RBPJ: variants seen among roughly 807,000 people sequenced by gnomAD.
The protein encoded by RBPJ is recombination signal binding protein for immunoglobulin kappa J region.
A neutral mutation model predicts 67.8 loss-of-function variants in RBPJ; 9 were observed. The observed-to-expected ratio is 0.13, with a 90% CI of 0.08 to 0.23. The LOEUF (loss-of-function observed/expected upper bound fraction) is 0.23, where lower values mean the gene tolerates loss of function less well. RBPJ is among the 10% of genes least tolerant of loss of function. The pLI is 1.00. For missense variants in RBPJ, 305 were observed against 595.6 expected, an observed-to-expected ratio of 0.51 and a Z score of 5.08; for synonymous variants, 198 against 203.3, an observed-to-expected ratio of 0.97 and a Z score of 0.22.
chr4:26,286,535 T>G (rs1344948775), intron 1 of RBPJ, among the ~76,000 whole-genome samples: 2 of 151,522 alleles, frequency 1.3e-5, no homozygotes, highest in African/African-American at 2.4e-5. Flanking sequence ...GCTCTTGGCT[T>G]AAAGCTTTGA....
chr4:26,252,509 C>T (rs1720148297), intron 1 of RBPJ, among the ~76,000 whole-genome samples: 1 of 152,070 alleles, frequency 6.6e-6, no homozygotes, highest in Non-Finnish European at 1.5e-5. Flanking sequence ...TCGCCTGAGC[C>T]TCAGAGGTCA....
intron 5 of RBPJ, 91 bp downstream of exon 5, chr4:26,420,816 C>A: frequency 6.0e-6 from 6 of 1,001,698 alleles, no homozygotes; most frequent in Non-Finnish European, 7.2e-6. Flanking sequence ...TTTCAATAGC[C>A]AATTAATTCT....
At chr4:26,114,176 G>T in the RBPJ span, among the ~76,000 whole-genome samples, 1 of 151,986 alleles carries the variant, frequency 6.6e-6, no homozygotes, top group East Asian at 1.9e-4. Flanking sequence ...ACATGTATGT[G>T]GGCCTGGCGT....
intron 1 of RBPJ, among the ~76,000 whole-genome samples, chr4:26,294,755 G>A (rs541384402): frequency 6.6e-6 from 1 of 152,062 alleles, no homozygotes; most frequent in East Asian, 1.9e-4. Context: ...GGTGGTGTGT[G>A]CCTGTAATCC....
intron 1 of RBPJ, among the ~76,000 whole-genome samples, chr4:26,333,554 TA>T (rs199874760): frequency 2.0e-5 from 3 of 152,254 alleles, no homozygotes; most frequent in East Asian, 1.9e-4. Context: ...TTTTTTAAAT[TA>T]AAAAAAATTT....
At chr4:26,127,808 T>C in the RBPJ span, among the ~76,000 whole-genome samples, 1 of 152,216 alleles carries the variant, frequency 6.6e-6, no homozygotes, top group African/African-American at 2.4e-5. Flanking sequence ...AGATAAATCA[T>C]TGTGGCCCTA....
At chr4:26,209,331 A>ATTAT (rs1718282600) in intron 1 of RBPJ, among the ~76,000 whole-genome samples, 2 of 152,068 alleles carry the variant, frequency 1.3e-5, no homozygotes, top group Non-Finnish European at 2.9e-5. Flanking sequence ...TTAGTGAAGG[A>ATTAT]TTATACCCAG....
At chr4:26,354,650 G>A (rs1244866065) in intron 1 of RBPJ, among the ~76,000 whole-genome samples, 3 of 151,720 alleles carry the variant, frequency 2.0e-5, no homozygotes, top group Non-Finnish European at 4.4e-5. Context: ...GGGTTTCTCC[G>A]TGTTGGCCAG....
the RBPJ span, among the ~76,000 whole-genome samples, chr4:26,130,408 C>T: frequency 6.6e-6 from 1 of 152,066 alleles, no homozygotes; most frequent in African/African-American, 2.4e-5. Context: ...ACTTGAACTC[C>T]AAATTTGTCT....
intron 1 of RBPJ, among the ~76,000 whole-genome samples, chr4:26,265,149 G>T (rs1002541661): frequency 1.3e-5 from 2 of 152,164 alleles, no homozygotes; most frequent in African/African-American, 4.8e-5. Flanking sequence ...GTTACTAGAA[G>T]GTGAGGGGTG....
At chr4:26,377,307 C>T (rs1433415431) in intron 1 of RBPJ, among the ~76,000 whole-genome samples, 2 of 152,164 alleles carry the variant, frequency 1.3e-5, no homozygotes, top group Admixed American at 1.3e-4. Flanking sequence ...GCAATAAAGC[C>T]AGGATTTCAA....
chr4:26,411,226 C>T (rs1046106944), intron 3 of RBPJ, among the ~76,000 whole-genome samples: 9 of 151,990 alleles, frequency 5.9e-5, no homozygotes, highest in Non-Finnish European at 1.3e-4. Flanking sequence ...GCCTGGGCAA[C>T]ATAGTGAAAG....
the RBPJ span, among the ~76,000 whole-genome samples, chr4:26,142,772 A>ATG: frequency 4.6e-4 from 69 of 151,058 alleles, no homozygotes; most frequent in African/African-American, 1.1e-3. Context: ...GTGTGTGTGT[A>ATG]TGTGTGTGTG....
At chr4:26,406,506 G>GCA (rs1733426140) in intron 3 of RBPJ, among the ~76,000 whole-genome samples, 1 of 152,202 alleles carries the variant, frequency 6.6e-6, no homozygotes, top group South Asian at 2.1e-4. Context: ...GGACCTCTCA[G>GCA]CAAGGCAGTC....
rs1721296989 is a variant in RBPJ, at chr4:26,282,153, T to C, written c.-166-80293T>C. On this transcript the variant is annotated intron_variant, in intron 1 of 4. Transcript: ENST00000512351. ...CTCTCTCTCTTTTTTTTTTTTTTTT[T>C]TTTGCTAATGTAAATCTTGCCTGTG... is the stretch of plus-strand genomic sequence containing the variant. Among the ~76,000 whole-genome samples, 3 of 149,156 alleles carry C rather than the reference T, an allele frequency of 2.0e-5. No homozygotes were observed. In the East Asian group the frequency reaches 5.8e-4, roughly 29 times the overall value.
At chr4:26,115,715 T>C in the RBPJ span, among the ~76,000 whole-genome samples, 1 of 152,180 alleles carries the variant, frequency 6.6e-6, no homozygotes, top group African/African-American at 2.4e-5. Context: ...ATACCTTGCC[T>C]CTGACTGTTT....
chr4:26,268,657 C>A (rs1329325269), intron 1 of RBPJ, among the ~76,000 whole-genome samples: 1 of 151,900 alleles, frequency 6.6e-6, no homozygotes, highest in Admixed American at 6.6e-5. Context: ...CAGCTGGAAG[C>A]AAACCTTTTT....
At chr4:26,399,730 G>T (rs1426126308) in intron 2 of RBPJ, among the ~76,000 whole-genome samples, 1 of 151,962 alleles carries the variant, frequency 6.6e-6, no homozygotes, top group East Asian at 1.9e-4. Flanking sequence ...CTGTCGCTCA[G>T]GCTGGAGTGC....
At chr4:26,164,276 C>T (rs1030981053) in intron 1 of RBPJ, among the ~76,000 whole-genome samples, 6 of 152,204 alleles carry the variant, frequency 3.9e-5, no homozygotes, top group Admixed American at 6.5e-5. Flanking sequence ...CATACATACA[C>T]TATTTATTCA....
Sources: gnomAD v4.1 joint callset for allele counts (sites outside exome capture counted in the v4.1 genomes callset) on GRCh38, gnomAD v4.1.1 for gene constraint, MANE v1.5 for transcripts, NCBI Gene and HGNC (gene_info 2026-07-23, HGNC 2026-07-21) for gene names.